Variants in FANCB observed in about 807,000 individuals in gnomAD.
FANCB encodes Fanconi anemia group B protein.
In FANCB, 5 loss-of-function variants were observed where a neutral mutation model predicts 38.9. That is an observed-to-expected ratio of 0.13 (90% confidence interval 0.07 to 0.27). The LOEUF (loss-of-function observed/expected upper bound fraction) is 0.27. FANCB is among the 10% of genes least tolerant of loss of function. FANCB has a pLI of 1.00. For synonymous variants in FANCB, 236 were observed against 215.4 expected, an observed-to-expected ratio of 1.10 and a Z score of -0.84; for missense variants, 573 against 602.7, an observed-to-expected ratio of 0.95 and a Z score of 0.52.
the FANCB span, among the ~76,000 whole-genome samples, chrX:14,733,971 TTAAG>T: frequency 6.2e-5 from 7 of 112,438 alleles, no homozygotes; most frequent in African/African-American, 1.9e-4. Context: ...GAAATGAGTA[TTAAG>T]TATTTTAATA....
At chrX:14,712,036 TG>T in the FANCB span, among the ~76,000 whole-genome samples, 1 of 113,042 alleles carries the variant, frequency 8.8e-6, no homozygotes, top group East Asian at 2.8e-4. Flanking sequence ...CATTTTGTCA[TG>T]TTATTATAGA....
chrX:14,863,255 CAT>C (rs1167419016), intron 3 of FANCB, among the ~76,000 whole-genome samples: 3 of 112,126 alleles, frequency 2.7e-5, no homozygotes, highest in Admixed American at 9.4e-5. Flanking sequence ...CAATATTCCA[CAT>C]AGAGGTGATA....
At chrX:14,761,822 A>C in the FANCB span, among the ~76,000 whole-genome samples, 1 of 111,546 alleles carries the variant, frequency 9.0e-6, no homozygotes, top group East Asian at 2.8e-4. Context: ...AATAGACAAC[A>C]GTCTCAGAGA....
At chrX:14,774,339 G>A in the FANCB span, among the ~76,000 whole-genome samples, 1 of 111,756 alleles carries the variant, frequency 8.9e-6, no homozygotes, top group East Asian at 2.8e-4. Flanking sequence ...AAAATATGGA[G>A]CTGATACACA....
chrX:14,801,022 T>TAGCAGTAG, the FANCB span, among the ~76,000 whole-genome samples: 1 of 106,704 alleles, frequency 9.4e-6, no homozygotes, highest in African/African-American at 3.7e-5. Context: ...TGAACGACCA[T>TAGCAGTAG]AGCAGTAGAA....
the FANCB span, among the ~76,000 whole-genome samples, chrX:14,716,069 C>T: frequency 4.7e-4 from 52 of 111,308 alleles, 1 homozygote; most frequent in Admixed American, 1.1e-3. Flanking sequence ...TGCATACTCA[C>T]GAAGCTGACC....
the FANCB span, among the ~76,000 whole-genome samples, chrX:14,806,721 C>T: frequency 9.0e-6 from 1 of 111,174 alleles, no homozygotes; most frequent in Admixed American, 9.6e-5. Flanking sequence ...ATAGTTATAG[C>T]CCATATAAGA....
chrX:14,724,336 G>A, the FANCB span, among the ~76,000 whole-genome samples: 1 of 110,688 alleles, frequency 9.0e-6, no homozygotes, highest in South Asian at 3.8e-4. Flanking sequence ...TTAAAAATGT[G>A]AGAAATAAGC....
chrX:14,721,258 G>T, the FANCB span, among the ~76,000 whole-genome samples: 1 of 110,810 alleles, frequency 9.0e-6, no homozygotes, highest in Non-Finnish European at 1.9e-5. Context: ...GAGATGTATT[G>T]CATAGCATGG....
chrX:14,870,972 T>G (rs1187604162), intron 1 of FANCB, among the ~76,000 whole-genome samples: 1 of 111,909 alleles, frequency 8.9e-6, no homozygotes, highest in Non-Finnish European at 1.9e-5. Flanking sequence ...CCAAGACATA[T>G]GACATTGTTA....
At chrX:14,721,268 G>T in the FANCB span, among the ~76,000 whole-genome samples, 2 of 110,874 alleles carry the variant, frequency 1.8e-5, no homozygotes, top group Admixed American at 1.9e-4. Context: ...GCATAGCATG[G>T]TGACTATAGT....
chrX:14,793,777 T>C, the FANCB span, among the ~76,000 whole-genome samples: 3 of 111,840 alleles, frequency 2.7e-5, no homozygotes, highest in East Asian at 2.8e-4. Context: ...TTTAAAGTAG[T>C]GCTATATAAA....
chrX:14,800,653 C>T, the FANCB span, among the ~76,000 whole-genome samples: 4 of 111,740 alleles, frequency 3.6e-5, no homozygotes, highest in Non-Finnish European at 7.5e-5. Context: ...TCCTCTTGTA[C>T]GGAACCCACA....
At chrX:14,822,218 G>A in the FANCB span, among the ~76,000 whole-genome samples, 1 of 110,519 alleles carries the variant, frequency 9.0e-6, no homozygotes, top group African/African-American at 3.3e-5. Context: ...TACTTCCTGA[G>A]ATTCAGGGGC....
chrX:14,695,973 A>T, the FANCB span, among the ~76,000 whole-genome samples: 1 of 110,539 alleles, frequency 9.0e-6, no homozygotes, highest in Non-Finnish European at 1.9e-5. Context: ...AACAATCAGG[A>T]GGTATGTGTT....
At chrX:14,731,574 A>AACTT in the FANCB span, 4 of 112,032 alleles carry the variant, frequency 3.6e-5, no homozygotes, top group South Asian at 3.8e-4. Context: ...ATCCTTAACT[A>AACTT]ACTTAAAGAA....
chrX:14,798,674 T>C, the FANCB span, among the ~76,000 whole-genome samples: 1 of 112,207 alleles, frequency 8.9e-6, no homozygotes, highest in Non-Finnish European at 1.9e-5. Context: ...TTTGAGCCTA[T>C]AAAGGATCAG....
the FANCB span, among the ~76,000 whole-genome samples, chrX:14,803,160 C>T: frequency 8.9e-6 from 1 of 112,101 alleles, no homozygotes; most frequent in East Asian, 2.8e-4. Flanking sequence ...CAGTATATGA[C>T]AATCAAGTTT....
the FANCB span, among the ~76,000 whole-genome samples, chrX:14,725,326 C>T: frequency 9.0e-6 from 1 of 111,707 alleles, no homozygotes; most frequent in African/African-American, 3.3e-5. Context: ...TGTGATTAAG[C>T]ATCATTCAAC....
Sources: gnomAD v4.1 joint callset for allele counts (sites outside exome capture counted in the v4.1 genomes callset) on GRCh38, gnomAD v4.1.1 for gene constraint, MANE v1.5 for transcripts, NCBI Gene and HGNC (gene_info 2026-07-23, HGNC 2026-07-21) for gene names.